Variants in FMOD observed in about 807,000 individuals in gnomAD.
FMOD encodes fibromodulin, also known as KSPG fibromodulin.
Under a neutral mutation model 27.0 loss-of-function variants are expected in FMOD, and 15 were observed. The ratio of observed to expected loss-of-function variants is 0.55; its 90% CI spans 0.37 to 0.85. The LOEUF is 0.85. FMOD is among the 40% of genes least tolerant of loss of function. FMOD has a pLI of 0.00. For missense variants in FMOD, 460 were observed against 483.2 expected (o/e 0.95, Z 0.45); for synonymous variants, 210 against 214.0 (o/e 0.98, Z 0.16).
At chr1:203,344,609 G>A (rs1658854732) in intron 2 of FMOD, among the ~76,000 whole-genome samples, 1 of 152,208 alleles carries the variant, frequency 6.6e-6, no homozygotes, top group Non-Finnish European at 1.5e-5. Context: ...TGATGGAAGA[G>A]GGAAGTGGCG....
intron 2 of FMOD, among the ~76,000 whole-genome samples, chr1:203,343,075 C>A (rs1658825458): frequency 6.6e-6 from 1 of 152,200 alleles, no homozygotes; most frequent in Admixed American, 6.5e-5. Context: ...ACTGCCAGAG[C>A]AGTGAGCAAG....
At position 203,347,989 on chromosome 1, in the gene FMOD, A is replaced by G. The variant is rs750986449; in HGVS notation, c.282T>C (p.Asn94=). The change falls in exon 2 of 3, where the codon AAT becomes AAC. Residue 94 remains asparagine, a synonymous_variant. Coordinates refer to ENST00000354955, the MANE Select transcript of FMOD (RefSeq NM_002023.5). Reference sequence around the variant, plus strand: ...CGAAGGGCAGGTACTTGAGGTTGCGATTGTCACAGTACATGGCCGTGGGGA... The same window carrying G: ...CGAAGGGCAGGTACTTGAGGTTGCGGTTGTCACAGTACATGGCCGTGGGGA... The part of the protein sequence containing the change: ...PNFPTAMYCD[N]RNLKYLPFVP... The G allele has an allele frequency of 1.2e-6, 2 of 1,604,170 alleles. No homozygotes were observed. The highest frequency in any genetic ancestry group is 1.1e-5 in the South Asian group (1 of 90,038).
At chr1:203,345,910 A>AAAT (rs929670447) in intron 2 of FMOD, among the ~76,000 whole-genome samples, 2 of 151,256 alleles carry the variant, frequency 1.3e-5, no homozygotes, top group African/African-American at 4.9e-5. Flanking sequence ...AAAAAAAAAA[A>AAAT]AAGACGTCTT....
intron 1 of FMOD, among the ~76,000 whole-genome samples, chr1:203,349,967 G>A (rs1017343741): frequency 6.6e-6 from 1 of 152,232 alleles, no homozygotes; most frequent in Non-Finnish European, 1.5e-5. Flanking sequence ...GCTGGTTCCT[G>A]GCTCTGGCCA....
chr1:203,344,396 C>A (rs1180402570), intron 2 of FMOD, among the ~76,000 whole-genome samples: 3 of 152,144 alleles, frequency 2.0e-5, no homozygotes, highest in South Asian at 2.1e-4. Context: ...ACTGTGAGCA[C>A]CCCCCCGTCT....
intron 2 of FMOD, among the ~76,000 whole-genome samples, chr1:203,346,310 G>T (rs1658887997): frequency 6.6e-6 from 1 of 152,076 alleles, no homozygotes; most frequent in African/African-American, 2.4e-5. Context: ...CCAGATGGAA[G>T]AGGACTTTGC....
Position 203,341,134 on chromosome 1 carries a change from G to C in FMOD, c.*1209C>G, listed in dbSNP as rs1247994961. 1 of 152,264 alleles carries C rather than the reference G, an allele frequency of 6.6e-6. No individual in the cohort carries two copies. The highest frequency in any genetic ancestry group is 1.5e-5 in the Non-Finnish European group (1 of 68,046). The allele number at this position is 152,264 out of a possible 1,614,324, so 9.4% of individuals were successfully genotyped here. The stretch of plus-strand genomic sequence containing the variant: ...CTCAGAGATGTGAAAGCAGAGGGTT[G>C]TATGCCCAGCACAGGCAAGATTTGG... On this transcript the variant is annotated 3_prime_UTR_variant, in exon 3 of 3. Coordinates refer to ENST00000354955, the MANE Select transcript of FMOD (RefSeq NM_002023.5).
At chr1:203,348,797 GA>G (rs1308657573) in intron 1 of FMOD, among the ~76,000 whole-genome samples, 1 of 152,238 alleles carries the variant, frequency 6.6e-6, no homozygotes, top group Non-Finnish European at 1.5e-5. Flanking sequence ...CATCGAAGGG[GA>G]AGAGCTGAAC....
intron 2 of FMOD, 99 bp downstream of exon 2, chr1:203,347,193 C>A: frequency 7.1e-7 from 1 of 1,417,200 alleles, no homozygotes. Flanking sequence ...TGTCTGGTTC[C>A]CCTATTTCTA....
chr1:203,344,439 G>A (rs1325375242), intron 2 of FMOD, among the ~76,000 whole-genome samples: 3 of 152,148 alleles, frequency 2.0e-5, no homozygotes, highest in Non-Finnish European at 2.9e-5. Context: ...AGGCTTCTGC[G>A]TGGAGGCACT....
At chr1:203,349,219 C>T (rs1448048161) in intron 1 of FMOD, among the ~76,000 whole-genome samples, 6 of 152,140 alleles carry the variant, frequency 3.9e-5, no homozygotes, top group Middle Eastern at 3.2e-3. Context: ...ATGAGGGACA[C>T]CAAAAGAATA....
chr1:203,351,028 C>G lies in FMOD; in HGVS notation c.-8+5G>C, dbSNP rs2102307003. 6.6e-6 allele frequency: 1 copy of G among 152,372 alleles called. No homozygotes were observed. The highest frequency in any genetic ancestry group is 2.1e-4 in the South Asian group (1 of 4,826). 9.4% of individuals were successfully genotyped at this position (152,372 alleles called of 1,614,324 possible). On this transcript the variant is annotated splice_donor_5th_base_variant and intron_variant, in intron 1 of 2. Coordinates refer to ENST00000354955, the MANE Select transcript of FMOD (RefSeq NM_002023.5). ...ACAAACCCGAAGTAAAACGACTATA[C>G]TTACCTCAAGTTGAACTTTTCAGAG...
chr1:203,342,767 C>T (rs980581831), intron 2 of FMOD, among the ~76,000 whole-genome samples: 1 of 140,314 alleles, frequency 7.1e-6, no homozygotes, highest in Non-Finnish European at 1.6e-5. Context: ...AAGCGTCCTT[C>T]CCTCTGGGAC....
At chr1:203,348,392 A>C in intron 1 of FMOD, 115 bp from the exon 2 acceptor site, 2 of 1,090,008 alleles carry the variant, frequency 1.8e-6, no homozygotes, top group Non-Finnish European at 2.6e-6. Flanking sequence ...CTTCCATGTC[A>C]AACATCTGAG....
chr1:203,344,345 C>A (rs570374760), intron 2 of FMOD, among the ~76,000 whole-genome samples: 3 of 152,110 alleles, frequency 2.0e-5, no homozygotes, highest in Non-Finnish European at 4.4e-5. Flanking sequence ...CTGTGGGGAG[C>A]TAGACACACA....
rs1658789450 is a variant in FMOD, at chr1:203,341,212, T to C, written c.*1131A>G. 6.6e-6 allele frequency: 1 copy of C among 152,222 alleles called. No homozygotes were observed. The highest frequency in any genetic ancestry group is 6.5e-5 in the Admixed American group (1 of 15,284). The allele number at this position is 152,222 out of a possible 1,614,324, so 9.4% of individuals were successfully genotyped here. A position where few individuals can be genotyped will look rare whatever the true frequency, so the allele number is the denominator to read the frequency against. Reference sequence around the variant, plus strand: ...AGCCAGAGCTGGTACTTTTTAACTATGGCCTTAGGACAAACCAGGTGAAAC... The same window carrying C: ...AGCCAGAGCTGGTACTTTTTAACTACGGCCTTAGGACAAACCAGGTGAAAC... On this transcript the variant is annotated 3_prime_UTR_variant, in exon 3 of 3. Coordinates refer to ENST00000354955, the MANE Select transcript of FMOD (RefSeq NM_002023.5).
At chr1:203,350,427 A>G (rs1327284279) in intron 1 of FMOD, among the ~76,000 whole-genome samples, 6 of 151,708 alleles carry the variant, frequency 4.0e-5, no homozygotes, top group Admixed American at 3.9e-4. Context: ...TCATTTCTCC[A>G]CTCTAGAGAA....
At chr1:203,350,158 G>A (rs1658965967) in intron 1 of FMOD, among the ~76,000 whole-genome samples, 1 of 152,180 alleles carries the variant, frequency 6.6e-6, no homozygotes. Flanking sequence ...TTCAGACTCA[G>A]CTTTCTAGGG....
intron 2 of FMOD, 27 bp downstream of exon 2, chr1:203,347,264 TC>T (rs762498280): frequency 1.2e-4 from 184 of 1,573,862 alleles, no homozygotes; most frequent in Non-Finnish European, 1.4e-4. Context: ...AGACAGCCAG[TC>T]CCCGCCTCCC....
Sources: gnomAD v4.1 joint callset for allele counts (sites outside exome capture counted in the v4.1 genomes callset) on GRCh38, gnomAD v4.1.1 for gene constraint, MANE v1.5 for transcripts, NCBI Gene and HGNC (gene_info 2026-07-23, HGNC 2026-07-21) for gene names.